LRIG3: variants seen among roughly 807,000 people sequenced by gnomAD.
LRIG3 encodes the protein leucine-rich repeats and immunoglobulin-like domains protein 3.
A neutral mutation model predicts 114.5 loss-of-function variants in LRIG3; 76 were observed. The observed-to-expected ratio is 0.66, with a 90% CI of 0.55 to 0.80. The LOEUF (loss-of-function observed/expected upper bound fraction) is 0.80. LRIG3 is among the 30% of genes least tolerant of loss of function. The pLI, the probability that LRIG3 is intolerant of heterozygous loss-of-function variation, is 0.00. For missense variants in LRIG3, 1,239 were observed against 1,382.8 expected (o/e 0.90, Z 1.65); for synonymous variants, 512 against 519.8 (o/e 0.98, Z 0.20).
At chr12:58,911,387 A>G (rs919045590) in intron 3 of LRIG3, among the ~76,000 whole-genome samples, 3 of 152,206 alleles carry the variant, frequency 2.0e-5, no homozygotes, top group African/African-American at 7.2e-5. Flanking sequence ...CATGGCACAG[A>G]GTAGAAAGAG....
intron 3 of LRIG3, among the ~76,000 whole-genome samples, chr12:58,911,538 A>G (rs1872273906): frequency 6.6e-6 from 1 of 152,206 alleles, no homozygotes; most frequent in South Asian, 2.1e-4. Context: ...AGATACAAAC[A>G]AAAAACAACC....
chr12:58,885,767 T>C, intron 10 of LRIG3, 64 bp downstream of exon 10: 1 of 1,165,816 alleles, frequency 8.6e-7, no homozygotes, highest in Non-Finnish European at 1.2e-6. Flanking sequence ...TTATCTTTCA[T>C]GACACATAAG....
Position 58,878,998 on chromosome 12 carries a change from G to A in LRIG3, c.1909C>T (p.Gln637Ter), listed in dbSNP as rs2120879242. ...VGHPAPQIAW[Q>*]KDGGTDFPAA... ...GGGAAGTCTGTGCCCCCATCCTTCT[G>A]CCAGGCTATCTGGGGGGCTGGGTGC... Residue 637 changes from glutamine to a stop codon, truncating the protein, a stop_gained, in exon 14 of 19, where the codon CAG (glutamine) becomes TAG (stop). Coordinates refer to ENST00000320743, the MANE Select transcript of LRIG3 (RefSeq NM_153377.5). LOFTEE classifies it high-confidence loss of function. 1.2e-6 allele frequency: 2 copies of A among 1,614,170 alleles called. No individual in the cohort carries two copies. Among genetic ancestry groups the A allele is most frequent in the East Asian group, 4.5e-5 (2 of 44,876 alleles).
Position 58,897,981 on chromosome 12 carries a change from C to T in LRIG3, c.384-7185G>A, listed in dbSNP as rs1391552134. On this transcript the variant is annotated intron_variant, in intron 3 of 18. Coordinates refer to ENST00000320743, the MANE Select transcript of LRIG3 (RefSeq NM_153377.5). Reference sequence around the variant, plus strand: ...TGGTTCCCCAGAATTCGGGATAAAACGAATGGGTACAAGACCCCAGAGTGA... The same window carrying T: ...TGGTTCCCCAGAATTCGGGATAAAATGAATGGGTACAAGACCCCAGAGTGA... 5.3e-5 allele frequency among the ~76,000 whole-genome samples: 8 copies of T among 152,092 alleles called. No individual in the cohort carries two copies. The South Asian group carries it at 6.2e-4, about 12-fold the overall frequency.
chr12:58,882,761 T>C (rs1344940646), intron 12 of LRIG3, 108 bp downstream of exon 12: 4 of 1,234,260 alleles, frequency 3.2e-6, no homozygotes, highest in East Asian at 2.6e-5. Flanking sequence ...TCAGCAGAAA[T>C]AAAAGCTTTA....
intron 15 of LRIG3, 25 bp downstream of exon 15, chr12:58,877,375 C>T: frequency 6.2e-7 from 1 of 1,605,718 alleles, no homozygotes; most frequent in African/African-American, 1.3e-5. Context: ...CTCCGGTGAC[C>T]TGTGCCAAGC....
intron 3 of LRIG3, 99 bp downstream of exon 3, chr12:58,913,883 T>A: frequency 9.7e-7 from 1 of 1,032,204 alleles, no homozygotes; most frequent in Non-Finnish European, 1.4e-6. Context: ...AAAAAAATAT[T>A]CCATTTTTTT....
rs1374622497 is a variant in LRIG3, at chr12:58,874,538, C to T, written c.2731G>A (p.Val911Met). The part of the protein sequence containing the change: ...CHIDNSSEAD[V>M]EAATDLFLCP... Reference sequence around the variant, plus strand: ...AGGAACAGATCTGTGGCAGCTTCCACATCAGCTTCACTGCTATTGTCAATA... The same window carrying T: ...AGGAACAGATCTGTGGCAGCTTCCATATCAGCTTCACTGCTATTGTCAATA... Residue 911 changes from valine (V) to methionine (M), a missense_variant, in exon 17 of 19, where the codon GTG becomes ATG. Physicochemically the swap from Val to Met is conservative, Grantham distance 21 (BLOSUM62 1). Transcript: ENST00000320743. The T allele has an allele frequency of 6.2e-7, 1 of 1,614,076 alleles. No individual in the cohort carries two copies. Among genetic ancestry groups the T allele is most frequent in the African/African-American group, 1.3e-5 (1 of 74,932 alleles).
chr12:58,874,072 G>A lies in LRIG3; in HGVS notation c.3098C>T (p.Ser1033Leu), dbSNP rs772003425. ...AAACTTACCCATGAAAGAATTACTC[G>A]AGGCAACCGACGCTGGCTCTGGATT... Reference protein sequence around the residue: ...SANPEPASVASSNSFMGTFGK... With the variant: ...SANPEPASVALSNSFMGTFGK... Residue 1033 changes from serine to leucine, a missense_variant, in exon 18 of 19, where the codon TCG becomes TTG. Physicochemically the swap from Ser to Leu is moderately radical, Grantham distance 145. Transcript: ENST00000320743. 4 of 1,613,980 alleles carry A rather than the reference G, an allele frequency of 2.5e-6. No individual in the cohort carries two copies. The highest frequency in any genetic ancestry group is 2.7e-5 in the African/African-American group (2 of 74,896).
At chr12:58,889,060 G>T in intron 5 of LRIG3, 98 bp from the exon 6 acceptor site, 1 of 1,137,932 alleles carries the variant, frequency 8.8e-7, no homozygotes, top group Non-Finnish European at 1.2e-6. Flanking sequence ...ACCAGTCAGT[G>T]TTCAATTACA....
rs189693432 is a variant in LRIG3 at position 58,920,070 on chromosome 12, C to G, written c.166G>C (p.Asp56His). 1.6e-4 allele frequency: 242 copies of G among 1,556,752 alleles called. No individual in the cohort carries two copies. In the East Asian group the frequency reaches 4.9e-3, roughly 31 times the overall value. Reference sequence around the variant, plus strand: ...CGCTTACGACTGCAGTCCAGCAGGTCCCCGAGGCAGCGGCAGGTAGTGGGG... The same window carrying G: ...CGCTTACGACTGCAGTCCAGCAGGTGCCCGAGGCAGCGGCAGGTAGTGGGG... ...PCPTTCRCLG[D>H]LLDCSRKRLA... The change falls in exon 1 of 19, where the codon GAC (aspartate) becomes CAC (histidine). Residue 56 changes from aspartate (D) to histidine (H), a missense_variant. Asp to His is a moderately conservative substitution (Grantham distance 81). Coordinates refer to ENST00000320743, the MANE Select transcript of LRIG3 (RefSeq NM_153377.5).
chr12:58,886,842 A>G lies in LRIG3; in HGVS notation c.1140T>C (p.Gly380=). Residue 380 remains glycine, a synonymous_variant, in exon 9 of 19, where the codon GGT becomes GGC. Transcript: ENST00000320743. ...EISWTIEDMN[G]AFSGLDKLRR... ...TCAGTTTGTCAAGCCCAGAGAAAGC[A>G]CCATTCATGTCTTCAATAGTCCAGG... 1 of 1,613,740 alleles carries G rather than the reference A, an allele frequency of 6.2e-7. No homozygotes were observed. Among genetic ancestry groups the G allele is most frequent in the Non-Finnish European group, 8.5e-7 (1 of 1,179,706 alleles).
intron 9 of LRIG3, 106 bp from the exon 10 acceptor site, chr12:58,886,008 T>C: frequency 1.9e-6 from 1 of 525,182 alleles, no homozygotes; most frequent in Non-Finnish European, 3.4e-6. Context: ...AATTCCATTT[T>C]CTTCAATTAA....
chr12:58,897,229 A>G (rs2120935210), intron 3 of LRIG3, among the ~76,000 whole-genome samples: 1 of 152,348 alleles, frequency 6.6e-6, no homozygotes, highest in Admixed American at 6.5e-5. Context: ...GTAAGGAGAC[A>G]GATTCTTGAT....
Position 58,877,677 on chromosome 12 carries a change from A to C in LRIG3, c.2259T>G (p.Ile753Met). Residue 753 changes from isoleucine to methionine, a missense_variant, in exon 15 of 19, where the codon ATT (isoleucine) becomes ATG (methionine). Ile to Met is a conservative substitution (Grantham distance 10). Transcript: ENST00000320743. Reference sequence around the variant, plus strand: ...CATCACTGACATCTGAGTCCACAATAATCAGAAGCTGATTGCCTGCTGCAA... The same window carrying C: ...CATCACTGACATCTGAGTCCACAATCATCAGAAGCTGATTGCCTGCTGCAA... The part of the protein sequence containing the change: ...HFFAAGNQLL[I>M]IVDSDVSDAG... 6.2e-7 allele frequency: 1 copy of C among 1,614,112 alleles called. No homozygotes were observed. The highest frequency in any genetic ancestry group is 8.5e-7 in the Non-Finnish European group (1 of 1,180,044).
rs1156252466 is a variant in LRIG3, at chr12:58,915,562, AT to A, written c.237-1227del. Among the ~76,000 whole-genome samples, 34 of 152,244 alleles carry A rather than the reference AT, an allele frequency of 2.2e-4. No individual in the cohort carries two copies. The East Asian group carries it at 4.4e-3, about 20-fold the overall frequency. ...TTCTCTTTTTCACCTAAAAAAAAAA[AT>A]CTGCAAGGTTTTATTTGAAGTATGT... is the stretch of plus-strand genomic sequence containing the variant. On this transcript the variant is annotated intron_variant, in intron 1 of 18. Transcript: ENST00000320743.
In LRIG3 at chr12:58,920,255, T is replaced by A; in HGVS notation, c.-20A>T. 1 of 1,331,058 alleles carries A rather than the reference T, an allele frequency of 7.5e-7. No individual in the cohort carries two copies. Among genetic ancestry groups the A allele is most frequent in the Non-Finnish European group, 9.6e-7 (1 of 1,047,044 alleles). The allele number at this position is 1,331,058 out of a possible 1,614,324, so 82.5% of individuals were successfully genotyped here. A position where few individuals can be genotyped will look rare whatever the true frequency, so the allele number is the denominator to read the frequency against. ...GCTCATCGCGGTCCAGCGGCCTAGG[T>A]CTCTACCCGAAGCTCCCAGCCGGCG... On this transcript the variant is annotated 5_prime_UTR_variant, in exon 1 of 19. Coordinates refer to ENST00000320743, the MANE Select transcript of LRIG3 (RefSeq NM_153377.5).
At chr12:58,886,990 C>G (rs1473319828) in intron 8 of LRIG3, 100 bp from the exon 9 acceptor site, 1 of 754,256 alleles carries the variant, frequency 1.3e-6, no homozygotes, top group Admixed American at 2.5e-5. Flanking sequence ...CTCATAATTC[C>G]CCACATTATC....
intron 3 of LRIG3, among the ~76,000 whole-genome samples, chr12:58,910,085 C>T (rs1872219736): frequency 6.6e-6 from 1 of 152,130 alleles, no homozygotes; most frequent in African/African-American, 2.4e-5. Flanking sequence ...GACAATGTCA[C>T]CTCTGGGAAG....
Sources: allele counts gnomAD v4.1 joint callset (sites outside exome capture counted in the v4.1 genomes callset), GRCh38; gene constraint gnomAD v4.1.1; transcripts MANE v1.5; gene names NCBI Gene and HGNC (gene_info 2026-07-23, HGNC 2026-07-21).